Variants in CXCL10 observed in about 807,000 individuals in gnomAD.
The protein encoded by CXCL10 is C-X-C motif chemokine 10.
In CXCL10, 6 loss-of-function variants were observed where a neutral mutation model predicts 10.8. That is an observed-to-expected ratio of 0.55 (90% CI 0.30 to 1.09). The LOEUF is 1.09. CXCL10 is among the 50% of genes least tolerant of loss of function. The probability of loss-of-function intolerance (pLI) is 0.06; values close to 1 mark genes in which losing one functional copy is unlikely to be tolerated. For missense variants in CXCL10, 114 were observed against 114.3 expected, an observed-to-expected ratio of 1.00 and a Z score of 0.01; for synonymous variants, 35 against 35.8, an observed-to-expected ratio of 0.98 and a Z score of 0.08.
rs766249571 is a variant in CXCL10, at chr4:76,022,420, A to C, written c.224T>G (p.Leu75Arg). ...TMKKKGEKRC[L>R]NPESKAIKNL... The stretch of plus-strand genomic sequence containing the variant: ...CTTGATGGCCTTCGATTCTGGATTC[A>C]GACATCTCTTCTCACCCTTCTTTTT... Residue 75 changes from leucine (L) to arginine (R), a missense_variant, in exon 3 of 4, where the codon CTG (leucine) becomes CGG (arginine). Transcript: ENST00000306602. 1.2e-6 allele frequency: 2 copies of C among 1,613,592 alleles called. No individual in the cohort carries two copies. Among genetic ancestry groups the C allele is most frequent in the South Asian group, 2.2e-5 (2 of 91,076 alleles).
In CXCL10 at chr4:76,022,732, T is replaced by C. The variant is rs748534350; in HGVS notation, c.147A>G (p.Glu49=). 2 of 1,613,844 alleles carry C rather than the reference T, an allele frequency of 1.2e-6. No individual in the cohort carries two copies. Among genetic ancestry groups the C allele is most frequent in the Admixed American group, 1.7e-5 (1 of 60,024 alleles). ...PVNPRSLEKL[E]IIPASQFCPR... is the part of the protein sequence containing the mutation. ...GACAAAATTGGCTTGCAGGAATAAT[T>C]TCAAGTTTTTCTAAAGACCTTGGAT... The change falls in exon 2 of 4, where the codon GAA becomes GAG. Residue 49 remains glutamate (E), a synonymous_variant. Coordinates refer to ENST00000306602, the MANE Select transcript of CXCL10 (RefSeq NM_001565.4).
chr4:76,022,269 C>A, intron 3 of CXCL10, 97 bp downstream of exon 3: 1 of 993,830 alleles, frequency 1.0e-6, no homozygotes, highest in Non-Finnish European at 1.6e-6. Context: ...TACTTTTAAA[C>A]CAGCGATTGC....
In CXCL10 at chr4:76,022,704, G is replaced by A. The variant is rs756286152; in HGVS notation, c.175C>T (p.Arg59Cys). The A allele has an allele frequency of 6.8e-6, 11 of 1,613,708 alleles. No individual in the cohort carries two copies. The highest frequency in any genetic ancestry group is 5.0e-5 in the Admixed American group (3 of 60,022). ...EIIPASQFCP[R>C]VEIIATMKKK... ...GATTTCACTCACATGATCTCAACAC[G>A]TGGACAAAATTGGCTTGCAGGAATA... is the stretch of plus-strand genomic sequence containing the variant. The change falls in exon 2 of 4, where the codon CGT becomes TGT. Residue 59 changes from arginine to cysteine, a missense_variant. Coordinates refer to ENST00000306602, the MANE Select transcript of CXCL10 (RefSeq NM_001565.4).
chr4:76,021,415 G>C lies in CXCL10; in HGVS notation c.*515C>G, dbSNP rs1732797766. 1 of 153,484 alleles carries C rather than the reference G, an allele frequency of 6.5e-6. No homozygotes were observed. The highest frequency in any genetic ancestry group is 2.4e-5 in the African/African-American group (1 of 41,442). 9.5% of individuals were successfully genotyped at this position (153,484 alleles called of 1,614,324 possible). On this transcript the variant is annotated 3_prime_UTR_variant, in exon 4 of 4. Transcript: ENST00000306602. ...AAGAATACTTACACATACATTTTCA[G>C]ATATTTCTACCTTCCTGTATGTGTT...
Position 76,022,696 on chromosome 4 carries a change from C to G in CXCL10, c.183G>C (p.Glu61Asp). The G allele has an allele frequency of 6.2e-7, 1 of 1,613,654 alleles. No individual in the cohort carries two copies. The change falls in exon 2 of 4, where the codon GAG becomes GAC. Residue 61 changes from glutamate to aspartate, a missense_variant. Physicochemically the swap from Glu to Asp is conservative, Grantham distance 45. Transcript: ENST00000306602. ...IPASQFCPRV[E>D]IIATMKKKGE... ...TCAGATGGGATTTCACTCACATGAT[C>G]TCAACACGTGGACAAAATTGGCTTG...
chr4:76,022,253 G>C (rs1732909063), intron 3 of CXCL10, 113 bp downstream of exon 3: 6 of 854,286 alleles, frequency 7.0e-6, no homozygotes, highest in Non-Finnish European at 1.2e-5. Flanking sequence ...GGGCGTGGTG[G>C]TAACATACTT....
chr4:76,021,751 C>T lies in CXCL10; in HGVS notation c.*179G>A. 1 of 673,318 alleles carries T rather than the reference C, an allele frequency of 1.5e-6. No individual in the cohort carries two copies. The highest frequency in any genetic ancestry group is 2.7e-6 in the Non-Finnish European group (1 of 369,452). The allele number at this position is 673,318 out of a possible 1,614,324, so 41.7% of individuals were successfully genotyped here. On this transcript the variant is annotated 3_prime_UTR_variant, in exon 4 of 4. Transcript: ENST00000306602. ...AATAGCTTAGGATGATGAACATTAA[C>T]CTTCCTACAGGAGTAGTAGCAGCTG...
intron 1 of CXCL10, 58 bp from the exon 2 acceptor site, chr4:76,022,875 A>G: frequency 6.4e-7 from 1 of 1,558,360 alleles, no homozygotes. Context: ...TAGGCATTTA[A>G]TGTAGACTGG....
chr4:76,021,834 G>T lies in CXCL10; in HGVS notation c.*96C>A, dbSNP rs578163076. The T allele has an allele frequency of 1.7e-6, 2 of 1,199,594 alleles. No individual in the cohort carries two copies. The highest frequency in any genetic ancestry group is 1.7e-5 in the Admixed American group (1 of 57,930). The allele number at this position is 1,199,594 out of a possible 1,614,324, so 74.3% of individuals were successfully genotyped here. On this transcript the variant is annotated 3_prime_UTR_variant, in exon 4 of 4. Coordinates refer to ENST00000306602, the MANE Select transcript of CXCL10 (RefSeq NM_001565.4). ...TAACTGCAAACTAAGAACAATTATG[G>T]CTTGACATATACTCCATGTAGGGAA...
Position 76,022,834 on chromosome 4 carries a change from A to G in CXCL10, c.62-17T>C, listed in dbSNP as rs374869885. ...GAGGTACTCCTGTAGGAAAAGAGGA[A>G]CAGCAGAGAAGGTTAGCACAGTGTT... On this transcript the variant is annotated splice_polypyrimidine_tract_variant and intron_variant, in intron 1 of 3. Transcript: ENST00000306602. 8.7e-6 allele frequency: 14 copies of G among 1,603,568 alleles called. No homozygotes were observed. Among genetic ancestry groups the G allele is most frequent in the Admixed American group, 1.7e-5 (1 of 59,754 alleles).
Position 76,021,591 on chromosome 4 carries a change from A to C in CXCL10, c.*339T>G, listed in dbSNP as rs1732817242. The C allele has an allele frequency of 8.6e-6, 2 of 232,504 alleles. No individual in the cohort carries two copies. The allele number at this position is 232,504 out of a possible 1,614,324, so 14.4% of individuals were successfully genotyped here. ...ATTCTGAGAATTCTGATAAACCCCA[A>C]AGCAGAAAGATTCCTTAGTACCCTT... On this transcript the variant is annotated 3_prime_UTR_variant, in exon 4 of 4. Transcript: ENST00000306602.
Position 76,021,858 on chromosome 4 carries a change from A to G in CXCL10, c.*72T>C, listed in dbSNP as rs1393863245. 8.1e-6 allele frequency: 11 copies of G among 1,364,402 alleles called. No individual in the cohort carries two copies. Among genetic ancestry groups the G allele is most frequent in the Admixed American group, 5.0e-5 (3 of 59,586 alleles). The allele number at this position is 1,364,402 out of a possible 1,614,324, so 84.5% of individuals were successfully genotyped here. On this transcript the variant is annotated 3_prime_UTR_variant, in exon 4 of 4. Transcript: ENST00000306602. Reference sequence around the variant, plus strand: ...GGCTTGACATATACTCCATGTAGGGAAGTGATGGGAGAGGCAGCCTCTGTG... The same window carrying G: ...GGCTTGACATATACTCCATGTAGGGGAGTGATGGGAGAGGCAGCCTCTGTG...
At position 76,022,431 on chromosome 4, in the gene CXCL10, C is replaced by G; in HGVS notation, c.213G>C (p.Glu71Asp). ...TCGATTCTGGATTCAGACATCTCTT[C>G]TCACCCTTCTTTTTCATTGTAGCAC... ...EIIATMKKKGEKRCLNPESKA... is the reference protein window; with the variant it reads ...EIIATMKKKGDKRCLNPESKA... The change falls in exon 3 of 4, where the codon GAG (glutamate) becomes GAC (aspartate). Residue 71 changes from glutamate (E) to aspartate (D), a missense_variant. Transcript: ENST00000306602. The G allele has an allele frequency of 3.1e-6, 5 of 1,613,344 alleles. No homozygotes were observed. Among genetic ancestry groups the G allele is most frequent in the Non-Finnish European group, 3.4e-6 (4 of 1,179,912 alleles).
chr4:76,022,017 G>C, intron 3 of CXCL10, 69 bp from the exon 4 acceptor site: 1 of 1,368,132 alleles, frequency 7.3e-7, no homozygotes, highest in Non-Finnish European at 1.0e-6. Context: ...GTTGTGTTTG[G>C]AAAGTACCGA....
rs1304202802 is a variant in CXCL10, at chr4:76,022,743, C to A, written c.136G>T (p.Glu46Ter). The A allele has an allele frequency of 6.2e-7, 1 of 1,613,760 alleles. No homozygotes were observed. Among genetic ancestry groups the A allele is most frequent in the South Asian group, 1.1e-5 (1 of 91,078 alleles). ...CTTGCAGGAATAATTTCAAGTTTTT[C>A]TAAAGACCTTGGATTAACAGGTTGA... is the stretch of plus-strand genomic sequence containing the variant. ...SNQPVNPRSL[E>*]KLEIIPASQF... Residue 46 changes from glutamate (E) to a stop codon, truncating the protein, a stop_gained, in exon 2 of 4, where the codon GAA becomes TAA. Transcript: ENST00000306602. LOFTEE classifies it high-confidence loss of function.
In CXCL10 at chr4:76,022,782, T is replaced by C; in HGVS notation, c.97A>G (p.Ile33Val). 6.2e-7 allele frequency: 1 copy of C among 1,612,706 alleles called. No homozygotes were observed. The highest frequency in any genetic ancestry group is 1.1e-5 in the South Asian group (1 of 91,064). Residue 33 changes from isoleucine (I) to valine (V), a missense_variant, in exon 2 of 4, where the codon ATC becomes GTC. Ile to Val is a conservative substitution (Grantham distance 29). Transcript: ENST00000306602. ...TTAACAGGTTGATTACTAATGCTGA[T>C]GCAGGTACAGCGTACAGTTCTAGAG... is the stretch of plus-strand genomic sequence containing the variant. Reference protein sequence around the residue: ...PLSRTVRCTCISISNQPVNPR... With the variant: ...PLSRTVRCTCVSISNQPVNPR...
Position 76,022,704 on chromosome 4 carries a change from G to T in CXCL10, c.175C>A (p.Arg59Ser), listed in dbSNP as rs756286152. ...GATTTCACTCACATGATCTCAACAC[G>T]TGGACAAAATTGGCTTGCAGGAATA... ...EIIPASQFCPRVEIIATMKKK... is the reference protein window; with the variant it reads ...EIIPASQFCPSVEIIATMKKK... The change falls in exon 2 of 4, where the codon CGT (arginine) becomes AGT (serine). Residue 59 changes from arginine to serine, a missense_variant. Arg to Ser is a moderately radical substitution (Grantham distance 110, BLOSUM62 -1). Coordinates refer to ENST00000306602, the MANE Select transcript of CXCL10 (RefSeq NM_001565.4). 1.5e-5 allele frequency: 25 copies of T among 1,613,590 alleles called. 1 individual carries two copies. The East Asian group carries it at 4.7e-4, about 30-fold the overall frequency.
At chr4:76,022,022 T>C (rs371051501) in intron 3 of CXCL10, 74 bp from the exon 4 acceptor site, 34 of 1,330,820 alleles carry the variant, frequency 2.6e-5, no homozygotes, top group Non-Finnish European at 3.2e-5. Context: ...GTTTGGAAAG[T>C]ACCGAGTTCA....
chr4:76,022,075 T>C, intron 3 of CXCL10, 127 bp from the exon 4 acceptor site: 1 of 935,178 alleles, frequency 1.1e-6, no homozygotes. Context: ...GCATTCATTA[T>C]GGATTATAGG....
Sources: gnomAD v4.1 joint callset for allele counts on GRCh38, gnomAD v4.1.1 for gene constraint, MANE v1.5 for transcripts, NCBI Gene and HGNC (gene_info 2026-07-23, HGNC 2026-07-21) for gene names.